TMEM232: variants seen among roughly 807,000 people sequenced by gnomAD.
TMEM232 encodes the protein transmembrane protein 232.
TMEM232 carries 80 observed loss-of-function variants against 78.8 expected under a neutral mutation model. The observed-to-expected ratio is 1.01, with a 90% CI of 0.85 to 1.22. The LOEUF (loss-of-function observed/expected upper bound fraction) is 1.22. Ranked by LOEUF, TMEM232 falls within the 50% of genes most tolerant of loss-of-function variation. The pLI is 0.00. For synonymous variants in TMEM232, 297 were observed against 254.3 expected, an observed-to-expected ratio of 1.17 and a Z score of -1.60; for missense variants, 881 against 742.2, an observed-to-expected ratio of 1.19 and a Z score of -2.17.
At chr5:110,419,359 A>G (rs965037603), downstream of TMEM232, among the ~76,000 whole-genome samples, 33 of 152,158 alleles carry the variant, frequency 2.2e-4, no homozygotes, top group Non-Finnish European at 3.8e-4. Flanking sequence ...CCTACAGGCA[A>G]CATTTTTCTG....
At chr5:110,698,228 T>C (rs570296442) in intron 1 of TMEM232, among the ~76,000 whole-genome samples, 57 of 150,606 alleles carry the variant, frequency 3.8e-4, no homozygotes, top group Middle Eastern at 3.4e-3. Context: ...TAGGTGGGAA[T>C]GGAACAATGA....
At chr5:110,418,220 ATGAC>A (rs1298541167), downstream of TMEM232, 10 of 152,170 alleles carry the variant, frequency 6.6e-5, no homozygotes, top group South Asian at 1.4e-3. Context: ...CTCTGTTAAA[ATGAC>A]TGACAGGTTT....
rs1490368917 is a variant in TMEM232 at position 110,605,221 on chromosome 5, A to C, written c.1164T>G (p.Cys388Trp). 1 of 1,551,074 alleles carries C rather than the reference A, an allele frequency of 6.4e-7. No homozygotes were observed. Among genetic ancestry groups the C allele is most frequent in the Non-Finnish European group, 8.7e-7 (1 of 1,146,712 alleles). The change falls in exon 10 of 14, where the codon TGT becomes TGG. Residue 388 changes from cysteine (C) to tryptophan (W), a missense_variant. Coordinates refer to ENST00000455884, the MANE Select transcript of TMEM232 (RefSeq NM_001039763.4). ...ATAAAATATTTTTTTGTGAACTTTT[A>C]CAGTGACAGAAACCAATTAAAGCAG... is the stretch of plus-strand genomic sequence containing the variant. ...RKTALIGFCH[C>W]KSSQKNILYL...
intron 12 of TMEM232, among the ~76,000 whole-genome samples, chr5:110,470,564 A>T (rs757800119): frequency 3.3e-5 from 5 of 152,164 alleles, no homozygotes; most frequent in Non-Finnish European, 7.3e-5. Context: ...AGAGGACGAT[A>T]TAAACTCTTG....
chr5:110,492,110 G>A (rs551246678), intron 12 of TMEM232, among the ~76,000 whole-genome samples: 8 of 151,744 alleles, frequency 5.3e-5, no homozygotes, highest in South Asian at 2.1e-4. Flanking sequence ...GCTAAATGAC[G>A]AGTTAATGGG....
At chr5:110,572,157 A>G (rs1777025855) in intron 10 of TMEM232, among the ~76,000 whole-genome samples, 1 of 152,048 alleles carries the variant, frequency 6.6e-6, no homozygotes, top group Non-Finnish European at 1.5e-5. Context: ...TGAAGAAATG[A>G]GAAGAGTGTA....
chr5:110,421,102 T>C (rs1756588072), intron 13 of TMEM232, among the ~76,000 whole-genome samples: 1 of 151,776 alleles, frequency 6.6e-6, no homozygotes, highest in South Asian at 2.1e-4. Flanking sequence ...AAGAACGAGA[T>C]GAAAGCAAAA....
At chr5:110,624,379 G>A (rs746727880) in intron 7 of TMEM232, among the ~76,000 whole-genome samples, 37 of 151,752 alleles carry the variant, frequency 2.4e-4, no homozygotes, top group Non-Finnish European at 5.3e-4. Context: ...TGATGATGAT[G>A]ACTATGACAA....
At chr5:110,646,302 A>T (rs1368959585) in intron 2 of TMEM232, among the ~76,000 whole-genome samples, 1 of 151,806 alleles carries the variant, frequency 6.6e-6, no homozygotes, top group Non-Finnish European at 1.5e-5. Flanking sequence ...AAAATGGAGG[A>T]ATCACATTTC....
intron 12 of TMEM232, among the ~76,000 whole-genome samples, chr5:110,506,326 A>G (rs879706390): frequency 1.3e-5 from 2 of 152,086 alleles, no homozygotes; most frequent in Non-Finnish European, 2.9e-5. Context: ...AGATGGTTAA[A>G]TCTAGTATTT....
intron 2 of TMEM232, among the ~76,000 whole-genome samples, chr5:110,646,578 G>C (rs578094261): frequency 6.6e-6 from 1 of 151,688 alleles, no homozygotes; most frequent in African/African-American, 2.4e-5. Flanking sequence ...TTAAATGTAA[G>C]GCCTGAAACT....
At chr5:110,734,457 C>T (rs1284703421) in intron 2 of TMEM232, among the ~76,000 whole-genome samples, 1 of 152,210 alleles carries the variant, frequency 6.6e-6, no homozygotes, top group Non-Finnish European at 1.5e-5. Flanking sequence ...CAGGAAAGTC[C>T]ACTCTGCCCA....
chr5:110,691,141 T>TA (rs1283194783), intron 1 of TMEM232, among the ~76,000 whole-genome samples: 5 of 21,912 alleles, frequency 2.3e-4, no homozygotes, highest in South Asian at 1.9e-3. Context: ...ACTTAAAGTA[T>TA]AAGGAAAAAA....
intron 12 of TMEM232, among the ~76,000 whole-genome samples, chr5:110,505,908 A>G (rs1043805331): frequency 2.6e-5 from 4 of 152,164 alleles, no homozygotes; most frequent in African/African-American, 9.6e-5. Context: ...TCTACTCAGA[A>G]TTTTGTCAAG....
chr5:110,705,819 T>C (rs1368893299), intron 1 of TMEM232, among the ~76,000 whole-genome samples: 1 of 151,022 alleles, frequency 6.6e-6, no homozygotes, highest in African/African-American at 2.4e-5. Flanking sequence ...CAGTTCTACA[T>C]AGTAAAGACA....
chr5:110,482,988 G>C (rs997157617), intron 12 of TMEM232, among the ~76,000 whole-genome samples: 2 of 152,102 alleles, frequency 1.3e-5, no homozygotes, highest in African/African-American at 2.4e-5. Flanking sequence ...AAGAAATAAA[G>C]TACACTGCTA....
chr5:110,587,683 ATATATATATGTGTGTGTGTGTGTGTGTG>A (rs1168829530), intron 10 of TMEM232, among the ~76,000 whole-genome samples: 13 of 92,014 alleles, frequency 1.4e-4, no homozygotes, highest in African/African-American at 6.2e-4. Flanking sequence ...ATATATATAT[ATATATATATGTGTGTGTGTGTGTGTGTG>A]TGTGTGTGTG....
chr5:110,601,424 T>C (rs992339380), intron 10 of TMEM232, among the ~76,000 whole-genome samples: 7 of 152,018 alleles, frequency 4.6e-5, no homozygotes, highest in African/African-American at 1.7e-4. Context: ...GCCCAAAAAC[T>C]CCTCAAGCTG....
chr5:110,670,999 A>G (rs955915596), intron 1 of TMEM232, among the ~76,000 whole-genome samples: 3 of 152,182 alleles, frequency 2.0e-5, no homozygotes, highest in African/African-American at 7.2e-5. Context: ...CTAAACTAGG[A>G]AAAGAAAACA....
Sources: allele counts gnomAD v4.1 joint callset (sites outside exome capture counted in the v4.1 genomes callset), GRCh38; gene constraint gnomAD v4.1.1; transcripts MANE v1.5; gene names NCBI Gene and HGNC (gene_info 2026-07-23, HGNC 2026-07-21).